HTR2C: variants seen among roughly 807,000 people sequenced by gnomAD.
HTR2C encodes the protein 5-hydroxytryptamine (serotonin) receptor 2C, G protein-coupled.
Under a neutral mutation model 21.0 loss-of-function variants are expected in HTR2C, and 5 were observed. The ratio of observed to expected loss-of-function variants is 0.24; its 90% confidence interval spans 0.12 to 0.50. HTR2C has a LOEUF of 0.50. Among genes scored for constraint, HTR2C ranks in the 20% least tolerant of loss-of-function variants. HTR2C has a pLI of 0.98. For missense variants in HTR2C, 271 were observed against 371.2 expected, an observed-to-expected ratio of 0.73 and a Z score of 2.22; for synonymous variants, 150 against 145.3, an observed-to-expected ratio of 1.03 and a Z score of -0.23.
intron 4 of HTR2C, chrX:114,776,518 A>T: frequency 1.8e-6 from 1 of 545,879 alleles, no homozygotes. Flanking sequence ...AATGCTTCAT[A>T]TCAGACTAGA....
intron 2 of HTR2C, among the ~76,000 whole-genome samples, chrX:114,701,308 C>T (rs1396643355): frequency 9.0e-6 from 1 of 111,712 alleles, no homozygotes; most frequent in Non-Finnish European, 1.9e-5. Context: ...TGGGAGGCAC[C>T]CCCAAGTAGG....
chrX:114,890,653 T>C (rs2071252077), intron 5 of HTR2C, among the ~76,000 whole-genome samples: 1 of 112,436 alleles, frequency 8.9e-6, no homozygotes, highest in Non-Finnish European at 1.9e-5. Flanking sequence ...GTTTCAGCAC[T>C]TTTAATTTGA....
intron 2 of HTR2C, among the ~76,000 whole-genome samples, chrX:114,666,592 A>C (rs1308085420): frequency 9.0e-6 from 1 of 111,573 alleles, no homozygotes; most frequent in African/African-American, 3.2e-5. Context: ...GAGAAGATTC[A>C]AGATAATGAG....
At chrX:114,761,706 A>G (rs1556432358) in intron 4 of HTR2C, among the ~76,000 whole-genome samples, 1 of 109,244 alleles carries the variant, frequency 9.2e-6, no homozygotes, top group Admixed American at 1.0e-4. Flanking sequence ...CAGTAACACA[A>G]CTGATTATTA....
chrX:114,843,174 A>AAATGT (rs2070847808), intron 4 of HTR2C, among the ~76,000 whole-genome samples: 2 of 112,250 alleles, frequency 1.8e-5, no homozygotes, highest in African/African-American at 3.2e-5. Context: ...ACTTTACATC[A>AAATGT]ACTGTCTCAA....
At chrX:114,782,187 A>C (rs1380881498) in intron 4 of HTR2C, among the ~76,000 whole-genome samples, 2 of 110,454 alleles carry the variant, frequency 1.8e-5, no homozygotes, top group Non-Finnish European at 3.8e-5. Flanking sequence ...ATAACTGCCA[A>C]GTTAAAATTC....
At chrX:114,675,272 G>C (rs925305597) in intron 2 of HTR2C, among the ~76,000 whole-genome samples, 1 of 111,503 alleles carries the variant, frequency 9.0e-6, no homozygotes, top group Non-Finnish European at 1.9e-5. Context: ...TATAAAAATA[G>C]ACAATAAAAC....
intron 4 of HTR2C, among the ~76,000 whole-genome samples, chrX:114,738,806 A>G (rs1401408639): frequency 1.9e-5 from 2 of 107,207 alleles, no homozygotes; most frequent in Non-Finnish European, 3.9e-5. Flanking sequence ...AAAGTAGAAA[A>G]TATATGTATA....
intron 3 of HTR2C, among the ~76,000 whole-genome samples, chrX:114,729,010 G>C (rs1367422315): frequency 8.9e-6 from 1 of 111,873 alleles, no homozygotes; most frequent in Non-Finnish European, 1.9e-5. Context: ...AAATTCTTGT[G>C]GGACTACTTG....
intron 4 of HTR2C, among the ~76,000 whole-genome samples, chrX:114,793,251 A>G (rs1357363140): frequency 2.7e-5 from 3 of 111,537 alleles, no homozygotes; most frequent in Non-Finnish European, 3.8e-5. Context: ...TGTTTTCATC[A>G]TGATCCCATA....
At chrX:114,669,957 C>T (rs782468319) in intron 2 of HTR2C, among the ~76,000 whole-genome samples, 2 of 111,958 alleles carry the variant, frequency 1.8e-5, no homozygotes, top group South Asian at 7.4e-4. Context: ...AGCAATGCTG[C>T]CAGACGTGGT....
chrX:114,606,227 G>A (rs1027710796), intron 1 of HTR2C, among the ~76,000 whole-genome samples: 13 of 110,756 alleles, frequency 1.2e-4, no homozygotes, highest in Admixed American at 1.9e-4. Context: ...GGGACTTGCC[G>A]CTAAGGGTGA....
intron 2 of HTR2C, among the ~76,000 whole-genome samples, chrX:114,687,445 C>T (rs1194649589): frequency 3.6e-5 from 4 of 111,962 alleles, no homozygotes; most frequent in Non-Finnish European, 5.6e-5. Flanking sequence ...TAAAATTTCA[C>T]GTGTGTCATA....
chrX:114,722,132 G>A (rs1933243742), intron 2 of HTR2C, among the ~76,000 whole-genome samples: 1 of 110,401 alleles, frequency 9.1e-6, no homozygotes, highest in Admixed American at 9.7e-5. Context: ...TCACGATATT[G>A]ATTCTTCCTA....
At chrX:114,802,479 CAG>C (rs782194171) in intron 4 of HTR2C, among the ~76,000 whole-genome samples, 2 of 111,028 alleles carry the variant, frequency 1.8e-5, no homozygotes, top group African/African-American at 6.5e-5. Flanking sequence ...GAATGTGCCA[CAG>C]AGTTTTACAA....
At chrX:114,585,193 C>T (rs1556389238) in intron 1 of HTR2C, among the ~76,000 whole-genome samples, 1 of 110,182 alleles carries the variant, frequency 9.1e-6, no homozygotes, top group African/African-American at 3.3e-5. Context: ...ATTATGTTCT[C>T]ATTGAAAAGC....
intron 2 of HTR2C, chrX:114,630,947 T>TA (rs1556404178): frequency 6.6e-6 from 2 of 303,636 alleles, no homozygotes; most frequent in Non-Finnish European, 6.6e-6. Context: ...ATGACCTGCC[T>TA]AAAAAAAGTG....
chrX:114,751,273 T>C (rs1228409057), intron 4 of HTR2C, among the ~76,000 whole-genome samples: 1 of 111,763 alleles, frequency 8.9e-6, no homozygotes, highest in African/African-American at 3.2e-5. Flanking sequence ...AGGTTCTGTG[T>C]CTGGTGCACA....
chrX:114,808,115 CA>C (rs2147445372), intron 4 of HTR2C, among the ~76,000 whole-genome samples: 1 of 110,563 alleles, frequency 9.0e-6, no homozygotes, highest in South Asian at 3.9e-4. Flanking sequence ...TCCCCTCCCC[CA>C]AACCCACTAC....
Sources: gnomAD v4.1 joint callset for allele counts (sites outside exome capture counted in the v4.1 genomes callset) on GRCh38, gnomAD v4.1.1 for gene constraint, MANE v1.5 for transcripts, NCBI Gene and HGNC (gene_info 2026-07-23, HGNC 2026-07-21) for gene names.